DOCK11: variants seen among roughly 807,000 people sequenced by gnomAD.
DOCK11 encodes dedicator of cytokinesis 11.
DOCK11 carries 70 observed loss-of-function variants against 169.1 expected under a neutral mutation model. The ratio of observed to expected loss-of-function variants is 0.41; its 90% CI spans 0.34 to 0.51. The LOEUF (loss-of-function observed/expected upper bound fraction) is 0.51, where lower values mean the gene tolerates loss of function less well. DOCK11 is among the 20% of genes least tolerant of loss of function. The pLI is 0.10. For synonymous variants in DOCK11, 529 were observed against 541.3 expected (o/e 0.98, Z 0.32); for missense variants, 1,166 against 1,538.8 (o/e 0.76, Z 4.05).
intron 1 of DOCK11, among the ~76,000 whole-genome samples, chrX:118,508,060 CA>C (rs34530280): frequency 0.013 from 801 of 62,830 alleles, 6 homozygotes; most frequent in African/African-American, 0.031. Flanking sequence ...GAGGTGAGGA[CA>C]AAAAAAAAAA....
chrX:118,549,024 C>G (rs1238543185), intron 6 of DOCK11, among the ~76,000 whole-genome samples: 2 of 111,020 alleles, frequency 1.8e-5, no homozygotes, highest in African/African-American at 6.6e-5. Flanking sequence ...ACAGCTGCCA[C>G]TTGTCTCCAG....
intron 10 of DOCK11, 74 bp from the exon 11 acceptor site, chrX:118,572,249 T>A: frequency 1.0e-6 from 1 of 967,081 alleles, no homozygotes; most frequent in South Asian, 3.2e-5. Flanking sequence ...ATTTTTGCCA[T>A]TTTTTGTATA....
At chrX:118,507,506 C>T (rs1314575389) in intron 1 of DOCK11, among the ~76,000 whole-genome samples, 3 of 110,886 alleles carry the variant, frequency 2.7e-5, no homozygotes, top group Middle Eastern at 4.6e-3. Flanking sequence ...TCTGCCACCA[C>T]GCCTGGCTAA....
intron 31 of DOCK11, among the ~76,000 whole-genome samples, chrX:118,621,679 ACT>A (rs761202018): frequency 9.1e-6 from 1 of 110,469 alleles, no homozygotes; most frequent in East Asian, 2.9e-4. Context: ...TGTAGCCCAG[ACT>A]GGAGTACAGT....
At chrX:118,517,074 C>T (rs900623504) in intron 1 of DOCK11, among the ~76,000 whole-genome samples, 4 of 111,467 alleles carry the variant, frequency 3.6e-5, no homozygotes, top group Admixed American at 9.6e-5. Context: ...ATATATAATG[C>T]GTATATGTGT....
At chrX:118,558,342 T>G (rs927255599) in intron 6 of DOCK11, among the ~76,000 whole-genome samples, 1 of 111,335 alleles carries the variant, frequency 9.0e-6, no homozygotes, top group African/African-American at 3.3e-5. Context: ...TAATGATACT[T>G]ACCCCAAGAG....
intron 27 of DOCK11, among the ~76,000 whole-genome samples, 186 bp from the exon 28 acceptor site, chrX:118,610,086 A>G (rs2014642421): frequency 8.9e-6 from 1 of 112,293 alleles, no homozygotes; most frequent in Admixed American, 9.4e-5. Flanking sequence ...TTAGAGATCC[A>G]GATAGTTCCT....
At chrX:118,528,221 C>G (rs1013963548) in intron 1 of DOCK11, among the ~76,000 whole-genome samples, 30 of 112,263 alleles carry the variant, frequency 2.7e-4, no homozygotes, top group Non-Finnish European at 4.9e-4. Context: ...CCCAGTTGAT[C>G]CCAGGGCTTG....
intron 11 of DOCK11, among the ~76,000 whole-genome samples, chrX:118,573,343 C>G (rs2013338141): frequency 8.9e-6 from 1 of 112,318 alleles, no homozygotes; most frequent in Admixed American, 9.4e-5. Context: ...GCTGATAGGG[C>G]AAAGCTTTTG....
intron 37 of DOCK11, 79 bp from the exon 38 acceptor site, chrX:118,639,356 T>A: frequency 9.7e-7 from 1 of 1,029,964 alleles, no homozygotes; most frequent in South Asian, 2.6e-5. Flanking sequence ...GGAAACCTAA[T>A]TTTTTTTAGT....
chrX:118,535,916 A>G (rs938115385), intron 1 of DOCK11, among the ~76,000 whole-genome samples: 2 of 111,925 alleles, frequency 1.8e-5, no homozygotes, highest in South Asian at 7.5e-4. Flanking sequence ...CTATTGGGGA[A>G]GAGACAAAGA....
chrX:118,667,208 G>C (rs974891445), intron 45 of DOCK11, among the ~76,000 whole-genome samples: 1 of 110,836 alleles, frequency 9.0e-6, no homozygotes, highest in African/African-American at 3.3e-5. Flanking sequence ...GAAAATTTTG[G>C]TTTTGGTTGT....
chrX:118,627,024 GT>G (rs1220838203), intron 32 of DOCK11, among the ~76,000 whole-genome samples: 4 of 112,082 alleles, frequency 3.6e-5, no homozygotes, highest in Non-Finnish European at 5.6e-5. Context: ...GAGTCCAGGA[GT>G]TTGAGACCAA....
intron 40 of DOCK11, among the ~76,000 whole-genome samples, chrX:118,647,789 ATAT>A (rs1390363451): frequency 6.7e-5 from 2 of 29,841 alleles, no homozygotes; most frequent in Admixed American, 1.1e-3. Flanking sequence ...AATATATAAT[ATAT>A]TATAATATAT....
intron 1 of DOCK11, among the ~76,000 whole-genome samples, chrX:118,499,985 A>C (rs2057563203): frequency 9.0e-6 from 1 of 111,129 alleles, no homozygotes; most frequent in African/African-American, 3.3e-5. Flanking sequence ...CATGTTAAAA[A>C]ATTCTCTGGA....
At chrX:118,496,102 G>A (rs2057534589) in intron 1 of DOCK11, 29 bp downstream of exon 1, 1 of 957,621 alleles carries the variant, frequency 1.0e-6, no homozygotes, top group African/African-American at 2.0e-5. Flanking sequence ...GGGCATCCCG[G>A]GGGACGCGCT....
intron 23 of DOCK11, among the ~76,000 whole-genome samples, chrX:118,600,037 C>T (rs751675017): frequency 8.9e-6 from 1 of 111,745 alleles, no homozygotes; most frequent in Non-Finnish European, 1.9e-5. Flanking sequence ...CAAGTTACTT[C>T]TCTGAGCCTT....
intron 32 of DOCK11, among the ~76,000 whole-genome samples, chrX:118,627,269 C>G (rs963434638): frequency 5.6e-5 from 6 of 106,630 alleles, no homozygotes; most frequent in African/African-American, 2.0e-4. Flanking sequence ...TGCAGCTGTA[C>G]CAGTTGCAGC....
At chrX:118,572,549 G>A (rs1445947333) in intron 11 of DOCK11, 86 bp downstream of exon 11, 3 of 942,961 alleles carry the variant, frequency 3.2e-6, no homozygotes, top group Non-Finnish European at 4.3e-6. Flanking sequence ...CCAAACCTCC[G>A]TGACATGCAA....
Sources: allele counts gnomAD v4.1 joint callset (sites outside exome capture counted in the v4.1 genomes callset), GRCh38; gene constraint gnomAD v4.1.1; transcripts MANE v1.5; gene names NCBI Gene and HGNC (gene_info 2026-07-23, HGNC 2026-07-21).